The following TSC22D1 variants were observed in gnomAD, a reference collection of about 807,000 sequenced individuals.
The protein encoded by TSC22D1 is TSC22 domain family member 1.
Under a neutral mutation model 74.2 loss-of-function variants are expected in TSC22D1, and 9 were observed. That is an observed-to-expected ratio of 0.12 (90% CI 0.07 to 0.21). The LOEUF is 0.21. TSC22D1 is among the 10% of genes least tolerant of loss of function. The pLI is 1.00. For synonymous variants in TSC22D1, 586 were observed against 492.5 expected (o/e 1.19, Z -2.51); for missense variants, 1,427 against 1,304.7 (o/e 1.09, Z -1.44).
At chr13:44,442,242 AGCATCCAATAATTCACAATGTCTG>A (rs1210345977) in intron 1 of TSC22D1, among the ~76,000 whole-genome samples, 4 of 152,256 alleles carry the variant, frequency 2.6e-5, no homozygotes, top group Admixed American at 2.6e-4. Context: ...TAAAGTCTCT[AGCATCCAATAATTCACAATGTCTG>A]GCATCCAATA....
chr13:44,436,872 C>A, intron 1 of TSC22D1: 1 of 1,212,270 alleles, frequency 8.2e-7, no homozygotes, highest in African/African-American at 1.6e-5. Flanking sequence ...GACTCCCAGT[C>A]TTAGTGCAAA....
At chr13:44,440,458 G>A (rs1566112522) in intron 1 of TSC22D1, among the ~76,000 whole-genome samples, 2 of 151,932 alleles carry the variant, frequency 1.3e-5, no homozygotes. Flanking sequence ...GGGCGTGGTG[G>A]CACATGTCTA....
intron 1 of TSC22D1, among the ~76,000 whole-genome samples, chr13:44,542,947 T>C (rs1881569730): frequency 6.6e-6 from 1 of 152,126 alleles, no homozygotes; most frequent in African/African-American, 2.4e-5. Flanking sequence ...AAATATTTAT[T>C]ACACTGCAAG....
intron 1 of TSC22D1, among the ~76,000 whole-genome samples, chr13:44,550,117 CATTAA>C (rs1484430807): frequency 6.6e-6 from 1 of 152,062 alleles, no homozygotes; most frequent in Non-Finnish European, 1.5e-5. Flanking sequence ...ATCAACCCAC[CATTAA>C]ATTAACAATT....
In TSC22D1 at chr13:44,443,328, A is replaced by G. The variant is rs915661709; in HGVS notation, c.2913-7233T>C. On this transcript the variant is annotated intron_variant, in intron 1 of 2. Transcript: ENST00000458659. Reference sequence around the variant, plus strand: ...CTGAAAGAAAAAAAAAAACCTGTCAATCTGTAATTCTATGCCCAGTGAAAA... The same window carrying G: ...CTGAAAGAAAAAAAAAAACCTGTCAGTCTGTAATTCTATGCCCAGTGAAAA... 1.7e-4 allele frequency among the ~76,000 whole-genome samples: 26 copies of G among 152,056 alleles called. 1 individual carries two copies. In the East Asian group the frequency reaches 2.9e-3, roughly 17 times the overall value.
chr13:44,519,361 G>A (rs1448913817), intron 1 of TSC22D1, among the ~76,000 whole-genome samples: 2 of 152,112 alleles, frequency 1.3e-5, no homozygotes, highest in African/African-American at 4.8e-5. Flanking sequence ...CAAATGGTAA[G>A]CAAAAGTAAA....
chr13:44,533,676 G>A (rs535946380), intron 1 of TSC22D1, among the ~76,000 whole-genome samples: 11 of 151,982 alleles, frequency 7.2e-5, no homozygotes, highest in Middle Eastern at 3.4e-3. Flanking sequence ...CCAGGTACTC[G>A]GGAGGCTGAG....
chr13:44,555,075 TAA>T (rs1474465295), intron 1 of TSC22D1, among the ~76,000 whole-genome samples: 1 of 150,710 alleles, frequency 6.6e-6, no homozygotes, highest in Non-Finnish European at 1.5e-5. Flanking sequence ...CCCTAAGGGC[TAA>T]GAGTCTGAAT....
intron 1 of TSC22D1, among the ~76,000 whole-genome samples, chr13:44,442,997 C>A (rs977421552): frequency 2.1e-5 from 3 of 141,534 alleles, no homozygotes; most frequent in East Asian, 4.1e-4. Flanking sequence ...TTTCAAGCAA[C>A]CAAATATATC....
chr13:44,561,544 C>G (rs940857858), intron 1 of TSC22D1, among the ~76,000 whole-genome samples: 1 of 152,176 alleles, frequency 6.6e-6, no homozygotes, highest in Non-Finnish European at 1.5e-5. Context: ...TTTCTATAAA[C>G]ATCGGTGTAC....
intron 1 of TSC22D1, among the ~76,000 whole-genome samples, chr13:44,510,328 G>T (rs1197397963): frequency 6.6e-6 from 1 of 151,882 alleles, no homozygotes; most frequent in African/African-American, 2.4e-5. Flanking sequence ...CGAGGCGGGG[G>T]TTGCAGTGAA....
At chr13:44,571,412 C>A (rs1192841604) in intron 1 of TSC22D1, among the ~76,000 whole-genome samples, 1 of 152,070 alleles carries the variant, frequency 6.6e-6, no homozygotes, top group African/African-American at 2.4e-5. Flanking sequence ...CCTGGAAGGG[C>A]AAGCTGTGGA....
chr13:44,528,991 T>C (rs1306708656), intron 1 of TSC22D1, among the ~76,000 whole-genome samples: 2 of 152,074 alleles, frequency 1.3e-5, no homozygotes, highest in Non-Finnish European at 2.9e-5. Context: ...ATTAATAACC[T>C]TCCCATGTAG....
intron 1 of TSC22D1, among the ~76,000 whole-genome samples, chr13:44,533,340 T>TA (rs1329359626): frequency 1.3e-5 from 2 of 151,448 alleles, no homozygotes; most frequent in Admixed American, 6.6e-5. Context: ...TCCGTGCCTG[T>TA]AATCCCAGCT....
Position 44,434,385 on chromosome 13 carries a change from G to C in TSC22D1, c.*241C>G, listed in dbSNP as rs1874336804. 2.9e-6 allele frequency: 4 copies of C among 1,373,170 alleles called. No homozygotes were observed. Among genetic ancestry groups the C allele is most frequent in the African/African-American group, 1.5e-5 (1 of 67,076 alleles). The allele number at this position is 1,373,170 out of a possible 1,614,324, so 85.1% of individuals were successfully genotyped here. A position where few individuals can be genotyped will look rare whatever the true frequency, so the allele number is the denominator to read the frequency against. ...CTCAGATATCTGCCAAGCTGCATGA[G>C]GTCCCGGTATATCCATGCTAATTCT... On this transcript the variant is annotated 3_prime_UTR_variant, in exon 3 of 3. Transcript: ENST00000458659.
intron 1 of TSC22D1, chr13:44,437,061 G>T: frequency 5.1e-6 from 5 of 972,846 alleles, no homozygotes; most frequent in Non-Finnish European, 6.1e-6. Flanking sequence ...CTCAGAGGGA[G>T]TGGGGTGCTG....
chr13:44,533,043 G>A (rs1489231189), intron 1 of TSC22D1, among the ~76,000 whole-genome samples: 1 of 151,596 alleles, frequency 6.6e-6, no homozygotes, highest in African/African-American at 2.4e-5. Flanking sequence ...TATTAGAAAC[G>A]TATGTGGTAT....
chr13:44,571,773 A>G (rs1012412243), intron 1 of TSC22D1, among the ~76,000 whole-genome samples: 1 of 152,182 alleles, frequency 6.6e-6, no homozygotes, highest in African/African-American at 2.4e-5. Context: ...AGTTTTGTAC[A>G]AATAATACAG....
chr13:44,494,527 C>T (rs911406508), intron 1 of TSC22D1, among the ~76,000 whole-genome samples: 3 of 151,262 alleles, frequency 2.0e-5, no homozygotes, highest in Non-Finnish European at 2.9e-5. Context: ...CACTGCATTT[C>T]GGCCTGGGCA....
Sources: gnomAD v4.1 joint callset for allele counts (sites outside exome capture counted in the v4.1 genomes callset) on GRCh38, gnomAD v4.1.1 for gene constraint, MANE v1.5 for transcripts, NCBI Gene and HGNC (gene_info 2026-07-23, HGNC 2026-07-21) for gene names.